Variants in CORIN observed in about 807,000 individuals in gnomAD.
The protein encoded by CORIN is atrial natriuretic peptide-converting enzyme.
Under a neutral mutation model 125.3 loss-of-function variants are expected in CORIN, and 117 were observed. That is an observed-to-expected ratio of 0.93 (90% CI 0.80 to 1.09). CORIN has a LOEUF of 1.09. Ranked by LOEUF, CORIN falls within the 50% of genes least tolerant of loss-of-function variation. The pLI, the probability that CORIN is intolerant of heterozygous loss-of-function variation, is 0.00. For missense variants in CORIN, 1,253 were observed against 1,306.7 expected (o/e 0.96, Z 0.63); for synonymous variants, 450 against 466.4 (o/e 0.96, Z 0.45).
At chr4:47,788,233 G>T (rs1730908010) in intron 2 of CORIN, among the ~76,000 whole-genome samples, 1 of 151,906 alleles carries the variant, frequency 6.6e-6, no homozygotes, top group South Asian at 2.1e-4. Context: ...ATAGTCCCAA[G>T]GACCATTAAA....
intron 3 of CORIN, among the ~76,000 whole-genome samples, chr4:47,774,353 G>T (rs1730193680): frequency 6.6e-6 from 1 of 152,116 alleles, no homozygotes; most frequent in Non-Finnish European, 1.5e-5. Flanking sequence ...GCACTCCCGG[G>T]TGTGAAAGTA....
At chr4:47,709,241 CAGCCAGGGCTGGCTA>C (rs1223736799) in intron 5 of CORIN, among the ~76,000 whole-genome samples, 4 of 152,172 alleles carry the variant, frequency 2.6e-5, no homozygotes, top group Admixed American at 2.0e-4. Flanking sequence ...ATAAATCCTT[CAGCCAGGGCTGGCTA>C]CATAATTTGC....
chr4:47,692,890 A>C, intron 6 of CORIN, 80 bp downstream of exon 6: 11 of 1,038,816 alleles, frequency 1.1e-5, no homozygotes, highest in Non-Finnish European at 1.7e-5. Context: ...AACAAAAAGC[A>C]GTCTACACAA....
At chr4:47,650,325 A>C (rs1455559876) in intron 13 of CORIN, among the ~76,000 whole-genome samples, 1 of 152,184 alleles carries the variant, frequency 6.6e-6, no homozygotes, top group Non-Finnish European at 1.5e-5. Context: ...ATCAATTAGT[A>C]ATTTTGATTC....
intron 2 of CORIN, 95 bp downstream of exon 2, chr4:47,806,808 C>T: frequency 7.6e-7 from 1 of 1,309,892 alleles, no homozygotes; most frequent in Non-Finnish European, 1.0e-6. Context: ...TTGACTGACA[C>T]TTTGGGTTAA....
intron 16 of CORIN, 111 bp from the exon 17 acceptor site, chr4:47,626,632 A>G (rs1333362907): frequency 3.9e-6 from 3 of 760,274 alleles, no homozygotes; most frequent in African/African-American, 3.4e-5. Flanking sequence ...AATCATGTCA[A>G]CATTTCAAGA....
intron 1 of CORIN, among the ~76,000 whole-genome samples, chr4:47,830,563 AG>A (rs1732937931): frequency 6.6e-6 from 1 of 152,224 alleles, no homozygotes; most frequent in Non-Finnish European, 1.5e-5. Context: ...ATGTCTCCTA[AG>A]TGCCTAATAA....
At position 47,642,930 on chromosome 4, in the gene CORIN, A is replaced by G. The variant is rs1199339285; in HGVS notation, c.2068+216T>C. 4 of 1,525,752 alleles carry G rather than the reference A, an allele frequency of 2.6e-6. No homozygotes were observed. The Admixed American group carries it at 6.1e-5, about 23-fold the overall frequency. The allele number at this position is 1,525,752 out of a possible 1,614,324, so 94.5% of individuals were successfully genotyped here. A position where few individuals can be genotyped will look rare whatever the true frequency, so the allele number is the denominator to read the frequency against. On this transcript the variant is annotated intron_variant, in intron 15 of 21. Coordinates refer to ENST00000273857, the MANE Select transcript of CORIN (RefSeq NM_006587.4). ...ATTTTGAACCCAAACGTTTTTCCAT[A>G]CAATATAGATATTTCAAATAGAGAA...
At chr4:47,785,788 T>C (rs1276346551) in intron 3 of CORIN, among the ~76,000 whole-genome samples, 1 of 151,708 alleles carries the variant, frequency 6.6e-6, no homozygotes, top group Non-Finnish European at 1.5e-5. Flanking sequence ...GGCGCATGCC[T>C]GTAATCCCAG....
chr4:47,647,530 G>A (rs370611668), intron 13 of CORIN, among the ~76,000 whole-genome samples: 18 of 152,180 alleles, frequency 1.2e-4, no homozygotes, highest in African/African-American at 3.6e-4. Context: ...TAATAATAAT[G>A]ATGATAATGA....
At chr4:47,683,898 C>A in intron 6 of CORIN, 60 bp from the exon 7 acceptor site, 1 of 1,255,218 alleles carries the variant, frequency 8.0e-7, no homozygotes, top group Non-Finnish European at 1.1e-6. Context: ...TATTGTAGTA[C>A]GATATTTAAC....
At chr4:47,782,540 T>C (rs1730603195) in intron 3 of CORIN, among the ~76,000 whole-genome samples, 1 of 152,208 alleles carries the variant, frequency 6.6e-6, no homozygotes. Context: ...ATTCCACTTC[T>C]AGGTATAAAC....
intron 1 of CORIN, among the ~76,000 whole-genome samples, chr4:47,812,686 T>G (rs1203133233): frequency 1.3e-5 from 2 of 152,172 alleles, no homozygotes; most frequent in African/African-American, 4.8e-5. Context: ...AAAAACACAA[T>G]CATAGCAGAA....
At chr4:47,833,521 C>CAAAAAA (rs75657429) in intron 1 of CORIN, among the ~76,000 whole-genome samples, 1 of 115,020 alleles carries the variant, frequency 8.7e-6, no homozygotes, top group Non-Finnish European at 1.7e-5. Context: ...AAAGCATAGG[C>CAAAAAA]AAAAAAAAAA....
chr4:47,811,392 T>C (rs1356973924), intron 1 of CORIN, among the ~76,000 whole-genome samples: 6 of 152,208 alleles, frequency 3.9e-5, no homozygotes, highest in Non-Finnish European at 8.8e-5. Flanking sequence ...AAGGAGATTA[T>C]AGTTGACATT....
At chr4:47,613,438 G>A (rs1721944855) in intron 19 of CORIN, among the ~76,000 whole-genome samples, 1 of 152,152 alleles carries the variant, frequency 6.6e-6, no homozygotes, top group African/African-American at 2.4e-5. Context: ...GAGCAACAGA[G>A]CGAGACTCCG....
chr4:47,778,944 A>C (rs1294454305), intron 3 of CORIN, among the ~76,000 whole-genome samples: 1 of 152,196 alleles, frequency 6.6e-6, no homozygotes, highest in Non-Finnish European at 1.5e-5. Context: ...GGTGCCCATA[A>C]TCAGAATCCA....
At chr4:47,758,723 G>GTGA (rs1370358947) in intron 4 of CORIN, among the ~76,000 whole-genome samples, 2 of 152,198 alleles carry the variant, frequency 1.3e-5, no homozygotes, top group African/African-American at 4.8e-5. Context: ...TGCTGTTCTT[G>GTGA]TGATAGTGAG....
At position 47,781,499 on chromosome 4, in the gene CORIN, C is replaced by G. The variant is rs192328125; in HGVS notation, c.409+5226G>C. ...CCAACTGTAGGCTAATGTAAATGTTCTGAGCACATTTAAGGTGAAGGCTAA... is the reference window on the plus strand; with the variant it reads ...CCAACTGTAGGCTAATGTAAATGTTGTGAGCACATTTAAGGTGAAGGCTAA... On this transcript the variant is annotated intron_variant, in intron 3 of 21. Coordinates refer to ENST00000273857, the MANE Select transcript of CORIN (RefSeq NM_006587.4). 2.0e-5 allele frequency among the ~76,000 whole-genome samples: 3 copies of G among 152,268 alleles called. No individual in the cohort carries two copies. In the East Asian group the frequency reaches 5.8e-4, roughly 29 times the overall value.
Sources: allele counts gnomAD v4.1 joint callset (sites outside exome capture counted in the v4.1 genomes callset), GRCh38; gene constraint gnomAD v4.1.1; transcripts MANE v1.5; gene names NCBI Gene and HGNC (gene_info 2026-07-23, HGNC 2026-07-21).